RSRC1: variants seen among roughly 807,000 people sequenced by gnomAD.
RSRC1 encodes serine/Arginine-related protein 53.
A neutral mutation model predicts 49.1 loss-of-function variants in RSRC1; 39 were observed. The ratio of observed to expected loss-of-function variants is 0.79; its 90% confidence interval spans 0.61 to 1.04. RSRC1 has a LOEUF of 1.04. Among genes scored for constraint, RSRC1 ranks in the 50% least tolerant of loss-of-function variants. The pLI is 0.00. For missense variants in RSRC1, 388 were observed against 402.4 expected (o/e 0.96, Z 0.31); for synonymous variants, 143 against 130.8 (o/e 1.09, Z -0.63).
chr3:158,250,926 G>T (rs1724175385), intron 4 of RSRC1, among the ~76,000 whole-genome samples: 2 of 152,140 alleles, frequency 1.3e-5, no homozygotes, highest in African/African-American at 4.8e-5. Context: ...CAATGTCCTG[G>T]AGAGTTTCTC....
intron 3 of RSRC1, among the ~76,000 whole-genome samples, chr3:158,137,967 A>G (rs1262859259): frequency 6.6e-6 from 1 of 152,050 alleles, no homozygotes; most frequent in Non-Finnish European, 1.5e-5. Flanking sequence ...CCAGCCCTAG[A>G]TGATTTTTTC....
intron 6 of RSRC1, among the ~76,000 whole-genome samples, chr3:158,382,312 T>C (rs936920660): frequency 3.9e-5 from 6 of 152,174 alleles, no homozygotes; most frequent in Non-Finnish European, 7.3e-5. Flanking sequence ...GTTAACTTTT[T>C]TTTATAAGTA....
At chr3:158,114,586 T>TG (rs1162395049) in intron 1 of RSRC1, among the ~76,000 whole-genome samples, 2 of 152,228 alleles carry the variant, frequency 1.3e-5, no homozygotes, top group Admixed American at 6.5e-5. Context: ...TAGGTCACTT[T>TG]GGGTGGTATT....
intron 5 of RSRC1, among the ~76,000 whole-genome samples, chr3:158,345,731 A>G (rs1025274630): frequency 6.6e-6 from 1 of 151,382 alleles, no homozygotes; most frequent in African/African-American, 2.4e-5. Flanking sequence ...TCAATGGATC[A>G]TAATTAGAGT....
intron 7 of RSRC1, among the ~76,000 whole-genome samples, chr3:158,519,507 G>T (rs1164722484): frequency 2.6e-5 from 4 of 151,608 alleles, no homozygotes; most frequent in Non-Finnish European, 5.9e-5. Context: ...ATTCTAGATG[G>T]AGGAAACACC....
chr3:158,147,160 T>C (rs540400355), intron 3 of RSRC1, among the ~76,000 whole-genome samples: 2 of 127,582 alleles, frequency 1.6e-5, no homozygotes, highest in East Asian at 5.3e-4. Flanking sequence ...AATGGGACAC[T>C]GTGTTATTTT....
At chr3:158,470,975 A>G (rs1354078435) in intron 7 of RSRC1, among the ~76,000 whole-genome samples, 3 of 152,224 alleles carry the variant, frequency 2.0e-5, no homozygotes, top group African/African-American at 7.2e-5. Flanking sequence ...TCAGCATCCT[A>G]GGCTGGAAAA....
chr3:158,197,214 C>T (rs1370434162), intron 3 of RSRC1, among the ~76,000 whole-genome samples: 1 of 152,096 alleles, frequency 6.6e-6, no homozygotes. Flanking sequence ...TCAACTTCTT[C>T]CTGGTTTAGT....
intron 7 of RSRC1, among the ~76,000 whole-genome samples, chr3:158,479,229 T>C (rs1056109544): frequency 3.4e-5 from 5 of 149,096 alleles, no homozygotes; most frequent in African/African-American, 1.2e-4. Flanking sequence ...TATAGTATTA[T>C]TTTTAAAATG....
intron 6 of RSRC1, among the ~76,000 whole-genome samples, chr3:158,453,769 T>C (rs1448028988): frequency 6.6e-6 from 1 of 152,122 alleles, no homozygotes; most frequent in Non-Finnish European, 1.5e-5. Context: ...TTTTCTAATG[T>C]ATGGCCCTGT....
At chr3:158,353,069 C>T (rs10936131) in intron 5 of RSRC1, among the ~76,000 whole-genome samples, 33,431 of 152,066 alleles carry the variant, frequency 0.22, 4,280 homozygotes, top group Non-Finnish European at 0.29. Flanking sequence ...TTGTCATCTC[C>T]TCCTTCTCTA....
chr3:158,337,839 A>C (rs1390431009), intron 5 of RSRC1, among the ~76,000 whole-genome samples: 1 of 152,190 alleles, frequency 6.6e-6, no homozygotes, highest in Non-Finnish European at 1.5e-5. Context: ...TCTCTCCAAA[A>C]ATCTGAAATA....
At position 158,537,171 on chromosome 3, in the gene RSRC1, A is replaced by G. The variant is rs780580732; in HGVS notation, c.732A>G (p.Thr244=). The change falls in exon 8 of 10, where the codon ACA becomes ACG. Residue 244 remains threonine (T), a synonymous_variant. Transcript: ENST00000611884. ...AIESDSFVQQ[T]FRSSKEVKKS... is the part of the protein sequence containing the mutation. ...AAAGTGATTCTTTTGTTCAGCAGAC[A>G]TTCAGATCAAGTAAAGAAGTCAAAA... 1.1e-5 allele frequency: 17 copies of G among 1,595,362 alleles called. No individual in the cohort carries two copies. In the South Asian group the frequency reaches 1.7e-4, roughly 16 times the overall value.
At chr3:158,308,651 G>A (rs1179010183) in intron 5 of RSRC1, among the ~76,000 whole-genome samples, 1 of 151,866 alleles carries the variant, frequency 6.6e-6, no homozygotes, top group African/African-American at 2.4e-5. Context: ...TAGTGCCTAG[G>A]ACCCATATAT....
intron 7 of RSRC1, among the ~76,000 whole-genome samples, chr3:158,502,847 A>C (rs1188430319): frequency 6.6e-6 from 1 of 152,020 alleles, no homozygotes; most frequent in Non-Finnish European, 1.5e-5. Context: ...TAACCTCCTG[A>C]ATTCTTGTTA....
chr3:158,136,711 A>G (rs1327256291), intron 3 of RSRC1: 1 of 152,156 alleles, frequency 6.6e-6, no homozygotes, highest in African/African-American at 2.4e-5. Flanking sequence ...CTTTTTGCAG[A>G]GTGTTTTTTC....
intron 2 of RSRC1, among the ~76,000 whole-genome samples, chr3:158,122,686 C>T (rs900248970): frequency 8.6e-5 from 13 of 151,970 alleles, no homozygotes; most frequent in African/African-American, 2.7e-4. Flanking sequence ...TCTGTTAACT[C>T]GTCATTTACA....
chr3:158,276,214 C>T, intron 4 of RSRC1: 1 of 787,438 alleles, frequency 1.3e-6, no homozygotes, highest in Non-Finnish European at 2.3e-6. Flanking sequence ...CATTTTCGGC[C>T]ACCATGGCGA....
chr3:158,427,567 G>A (rs543686206), intron 6 of RSRC1, among the ~76,000 whole-genome samples: 1 of 151,664 alleles, frequency 6.6e-6, no homozygotes, highest in Non-Finnish European at 1.5e-5. Context: ...TTGTTAATTG[G>A]TACAGAAATC....
Sources: allele counts gnomAD v4.1 joint callset (sites outside exome capture counted in the v4.1 genomes callset), GRCh38; gene constraint gnomAD v4.1.1; transcripts MANE v1.5; gene names NCBI Gene and HGNC (gene_info 2026-07-23, HGNC 2026-07-21).